The following RNF213 variants were observed in gnomAD, a reference collection of about 807,000 sequenced individuals.
The protein encoded by RNF213 is ring finger protein 213.
Under a neutral mutation model 514.4 loss-of-function variants are expected in RNF213, and 341 were observed. The observed-to-expected ratio is 0.66, with a 90% CI of 0.61 to 0.73. RNF213 has a LOEUF of 0.73. Among genes scored for constraint, RNF213 ranks in the 30% least tolerant of loss-of-function variants. RNF213 has a pLI of 0.00. For synonymous variants in RNF213, 2,655 were observed against 2,658.2 expected (o/e 1.00, Z 0.04); for missense variants, 5,767 against 6,615.6 (o/e 0.87, Z 4.45).
rs551221351 is a variant in RNF213, at chr17:80,338,941, C to T, written c.4834-260C>T. On this transcript the variant is annotated intron_variant, in intron 25 of 67. Coordinates refer to ENST00000582970, the MANE Select transcript of RNF213 (RefSeq NM_001256071.3). Reference sequence around the variant, plus strand: ...CCAGCCTGGGCAACAATGCAAGACTCCATCTCAAAAAAAAATTAAAAAAAA... The same window carrying T: ...CCAGCCTGGGCAACAATGCAAGACTTCATCTCAAAAAAAAATTAAAAAAAA... 6.1e-5 allele frequency among the ~76,000 whole-genome samples: 9 copies of T among 146,394 alleles called. No homozygotes were observed. In the South Asian group the frequency reaches 2.0e-3, roughly 32 times the overall value.
intron 67 of RNF213, among the ~76,000 whole-genome samples, 167 bp from the exon 68 acceptor site, chr17:80,393,178 G>A (rs763196124): frequency 6.6e-6 from 1 of 150,918 alleles, no homozygotes; most frequent in Non-Finnish European, 1.5e-5. Context: ...ACAGGGTTTC[G>A]CCATGTTGCC....
At position 80,353,041 on chromosome 17, in the gene RNF213, C is replaced by G; in HGVS notation, c.10405C>G (p.Pro3469Ala). Residue 3469 changes from proline to alanine, a missense_variant, in exon 33 of 68, where the codon CCC becomes GCC. Physicochemically the swap from Pro to Ala is conservative, Grantham distance 27. Transcript: ENST00000582970. This position sits in a 1 kb window ranked among gnomAD's most constrained non-coding sequence, Gnocchi z 5.0. The stretch of plus-strand genomic sequence containing the variant: ...TGTCACCATCAGCCAGCTGTTCGCG[C>G]CCGGAGACTTGCCTGAGCGTGAGTC... ...QHVTISQLFA[P>A]GDLPELGLEH... The G allele has an allele frequency of 6.2e-7, 1 of 1,613,086 alleles. No homozygotes were observed. The highest frequency in any genetic ancestry group is 8.5e-7 in the Non-Finnish European group (1 of 1,180,046).
In RNF213 at chr17:80,393,372, G is replaced by A. The variant is rs1555682604; in HGVS notation, c.15498G>A (p.Met5166Ile). The change falls in exon 68 of 68, where the codon ATG (methionine) becomes ATA (isoleucine). Residue 5166 changes from methionine to isoleucine, a missense_variant. Physicochemically the swap from Met to Ile is conservative, Grantham distance 10. Transcript: ENST00000582970. ...WSLRDTLVSY[M>I]QTKESEILPE... is the part of the protein sequence containing the mutation. Reference sequence around the variant, plus strand: ...TGAGAGACACTCTCGTAAGTTACATGCAAACTAAAGAAAGTGAAATTCTTC... The same window carrying A: ...TGAGAGACACTCTCGTAAGTTACATACAAACTAAAGAAAGTGAAATTCTTC... 3.7e-6 allele frequency: 6 copies of A among 1,613,994 alleles called. No homozygotes were observed. The highest frequency in any genetic ancestry group is 8.5e-7 in the Non-Finnish European group (1 of 1,180,032).
chr17:80,346,753 C>A lies in RNF213; in HGVS notation c.8418C>A (p.Ser2806=), dbSNP rs375826676. 6.2e-7 allele frequency: 1 copy of A among 1,613,340 alleles called. No homozygotes were observed. Among genetic ancestry groups the A allele is most frequent in the Admixed American group, 1.7e-5 (1 of 60,016 alleles). ...FRSLKQVHLV[S]FQCSPHSTPQ... is the part of the protein sequence containing the mutation. ...GCCTGAAGCAGGTCCACCTGGTGTC[C>A]TTCCAGTGCAGCCCGCACTCCACCC... Residue 2806 remains serine (S), a synonymous_variant, in exon 29 of 68, where the codon TCC becomes TCA. Transcript: ENST00000582970. This position sits in a 1 kb window ranked among gnomAD's most constrained non-coding sequence, Gnocchi z 8.1.
intron 59 of RNF213, among the ~76,000 whole-genome samples, chr17:80,384,563 G>A (rs62077767): frequency 0.021 from 3,260 of 152,262 alleles, 49 homozygotes; most frequent in Non-Finnish European, 0.03. Flanking sequence ...AGGAGTATGA[G>A]TTCACAATGA....
intron 48 of RNF213, 43 bp from the exon 49 acceptor site, chr17:80,372,932 C>T: frequency 6.3e-7 from 1 of 1,589,094 alleles, no homozygotes; most frequent in Non-Finnish European, 8.6e-7. Context: ...AATAAATGCC[C>T]TAAGTCACCA....
In RNF213 at chr17:80,311,431, G is replaced by T. The variant is rs149833449; in HGVS notation, c.2656-1581G>T. 5.0e-3 allele frequency among the ~76,000 whole-genome samples: 755 copies of T among 152,286 alleles called. 7 individuals carry two copies. The highest frequency in any genetic ancestry group is 0.014 in the African/African-American group (594 of 41,558). ...CCTGTGCTGCTGGATTGTTCTAGAA[G>T]GAGCTGTGCCATTGGGGGGACCTTC... On this transcript the variant is annotated intron_variant, in intron 14 of 67. Coordinates refer to ENST00000582970, the MANE Select transcript of RNF213 (RefSeq NM_001256071.3).
chr17:80,272,300 TAAAATAA>T (rs1470656884), intron 2 of RNF213, among the ~76,000 whole-genome samples: 9 of 151,832 alleles, frequency 5.9e-5, no homozygotes, highest in Admixed American at 3.3e-4. Context: ...AATAATAAAA[TAAAATAA>T]AAAAAGAAAA....
At chr17:80,349,179 C>G (rs746831806) in intron 29 of RNF213, among the ~76,000 whole-genome samples, 47 of 152,176 alleles carry the variant, frequency 3.1e-4, no homozygotes, top group Non-Finnish European at 5.3e-4. Flanking sequence ...ATGACAGATA[C>G]CGCAGGAACG....
intron 61 of RNF213, among the ~76,000 whole-genome samples, chr17:80,385,979 C>T (rs577454769): frequency 2.8e-4 from 43 of 152,278 alleles, no homozygotes; most frequent in African/African-American, 9.9e-4. Flanking sequence ...ACTGTTAACG[C>T]TTAACTTGTG....
chr17:80,383,059 C>T lies in RNF213; in HGVS notation c.14059C>T (p.Pro4687Ser). 1.2e-6 allele frequency: 2 copies of T among 1,612,258 alleles called. No homozygotes were observed. Among genetic ancestry groups the T allele is most frequent in the Middle Eastern group, 1.7e-4 (1 of 6,046 alleles). ...WEKEIAAVIS[P>S]ELEHLDKTLP... ...AAAGGAAATCGCAGCTGTGATTTCTCCTGAACTGGAGGTAAGCAGTAAGTG... is the reference window on the plus strand; with the variant it reads ...AAAGGAAATCGCAGCTGTGATTTCTTCTGAACTGGAGGTAAGCAGTAAGTG... The change falls in exon 58 of 68, where the codon CCT becomes TCT. Residue 4687 changes from proline to serine, a missense_variant. By Grantham distance (74) the Pro-to-Ser change is moderately conservative (BLOSUM62 -1). Coordinates refer to ENST00000582970, the MANE Select transcript of RNF213 (RefSeq NM_001256071.3).
chr17:80,290,307 G>A (rs1438072540), intron 6 of RNF213, among the ~76,000 whole-genome samples: 1 of 152,222 alleles, frequency 6.6e-6, no homozygotes, highest in Non-Finnish European at 1.5e-5. Flanking sequence ...GCATGTGGGT[G>A]TGTGCGTGTG....
chr17:80,340,607 T>C (rs976449772), intron 26 of RNF213: 1 of 334,436 alleles, frequency 3.0e-6, no homozygotes, highest in African/African-American at 2.5e-5. Context: ...GTGTACTTTG[T>C]GGTTTTTTTT....
rs764192335 is a variant in RNF213 at position 80,288,287 on chromosome 17, A to G, written c.734A>G (p.Glu245Gly). 6.2e-7 allele frequency: 1 copy of G among 1,613,056 alleles called. No individual in the cohort carries two copies. Residue 245 changes from glutamate to glycine, a missense_variant, in exon 4 of 68, where the codon GAG (glutamate) becomes GGG (glycine). By Grantham distance (98) the Glu-to-Gly change is moderately conservative. This residue lies in a region of RNF213 where 509 missense variants were observed against 496.7 expected (regional missense o/e 1.02). Coordinates refer to ENST00000582970, the MANE Select transcript of RNF213 (RefSeq NM_001256071.3). The surrounding 1 kb of genome is among the most constrained non-coding windows in gnomAD (Gnocchi z 4.9). ...EDAAQELLLP[E>G]SKGGSSEPGT... ...GCTGCCCAGGAGCTCCTGTTGCCTGAGTCAAAAGGAGGCAGCTCTGAGCCC... is the reference window on the plus strand; with the variant it reads ...GCTGCCCAGGAGCTCCTGTTGCCTGGGTCAAAAGGAGGCAGCTCTGAGCCC...
At position 80,332,647 on chromosome 17, in the gene RNF213, G is replaced by C. The variant is rs2046447588; in HGVS notation, c.4143+16G>C. 1.4e-6 allele frequency: 2 copies of C among 1,467,290 alleles called. No individual in the cohort carries two copies. The highest frequency in any genetic ancestry group is 4.8e-5 in the Admixed American group (2 of 41,644). The allele number at this position is 1,467,290 out of a possible 1,614,324, so 90.9% of individuals were successfully genotyped here. A position where few individuals can be genotyped will look rare whatever the true frequency, so the allele number is the denominator to read the frequency against. On this transcript the variant is annotated intron_variant, in intron 21 of 67. Transcript: ENST00000582970. The stretch of plus-strand genomic sequence containing the variant: ...ACTAAATTTTGTAAGTTATTTGCTG[G>C]GGACTGTGGGGGTTTGGAGGGGCGT...
chr17:80,297,265 C>T (rs545892944), intron 10 of RNF213, among the ~76,000 whole-genome samples: 1 of 151,026 alleles, frequency 6.6e-6, no homozygotes, highest in Admixed American at 6.6e-5. Context: ...GCCTGACCAA[C>T]ATGGTGAAAC....
At chr17:80,281,538 A>ACACCCCACTCACC (rs2044289616) in intron 3 of RNF213, among the ~76,000 whole-genome samples, 3 of 41,606 alleles carry the variant, frequency 7.2e-5, no homozygotes, top group Non-Finnish European at 1.6e-4. Flanking sequence ...CCCCACTCAT[A>ACACCCCACTCACC]CCACTCACAC....
In RNF213 at chr17:80,363,162, G is replaced by A. The variant is rs756638485; in HGVS notation, c.11416G>A (p.Glu3806Lys). 5.0e-6 allele frequency: 8 copies of A among 1,614,228 alleles called. No individual in the cohort carries two copies. The Admixed American group carries it at 1.2e-4, about 24-fold the overall frequency. ...RKLKAASEAP[E>K]EEVSLPWVHL... Reference sequence around the variant, plus strand: ...ACTGAAAGCGGCGTCAGAAGCGCCCGAGGAAGAGGTTTCCTTACCGTGGGT... The same window carrying A: ...ACTGAAAGCGGCGTCAGAAGCGCCCAAGGAAGAGGTTTCCTTACCGTGGGT... The change falls in exon 40 of 68, where the codon GAG (glutamate) becomes AAG (lysine). Residue 3806 changes from glutamate to lysine, a missense_variant. Physicochemically the swap from Glu to Lys is moderately conservative, Grantham distance 56. This residue lies in a region of RNF213 where 355 missense variants were observed against 358.0 expected (regional missense o/e 0.99). Coordinates refer to ENST00000582970, the MANE Select transcript of RNF213 (RefSeq NM_001256071.3).
chr17:80,345,347 G>T lies in RNF213; in HGVS notation c.7012G>T (p.Gly2338Trp). 1 of 1,614,086 alleles carries T rather than the reference G, an allele frequency of 6.2e-7. No individual in the cohort carries two copies. Among genetic ancestry groups the T allele is most frequent in the Non-Finnish European group, 8.5e-7 (1 of 1,180,018 alleles). ...TGTCGATGCCATCAGTCACTTGACT[G>T]GGAAGGTCATCAAGAGAGACGTCAT... ...GSVDAISHLTGKVIKRDVMTR... is the reference protein window; with the variant it reads ...GSVDAISHLTWKVIKRDVMTR... The change falls in exon 29 of 68, where the codon GGG becomes TGG. Residue 2338 changes from glycine (G) to tryptophan (W), a missense_variant. By Grantham distance (184) the Gly-to-Trp change is radical. Around this residue, in one of 13 missense-constraint regions of RNF213, gnomAD observed 1,377 missense variants for 1,635.2 expected, o/e 0.84. Coordinates refer to ENST00000582970, the MANE Select transcript of RNF213 (RefSeq NM_001256071.3). The surrounding 1 kb of genome is among the most constrained non-coding windows in gnomAD (Gnocchi z 6.0).
Sources: gnomAD v4.1 joint callset for allele counts (sites outside exome capture counted in the v4.1 genomes callset) on GRCh38, gnomAD v4.1.1 for gene constraint, gnomAD v4.1.1 regional missense constraint, Gnocchi (gnomAD v3.1) non-coding constraint, MANE v1.5 for transcripts, NCBI Gene and HGNC (gene_info 2026-07-23, HGNC 2026-07-21) for gene names.